HOXA3: variants seen among roughly 807,000 people sequenced by gnomAD.
HOXA3 encodes the protein homeobox A3.
In HOXA3, 8 loss-of-function variants were observed where a neutral mutation model predicts 30.3. That is an observed-to-expected ratio of 0.26 (90% CI 0.15 to 0.48). The LOEUF is 0.48. Among genes scored for constraint, HOXA3 ranks in the 20% least tolerant of loss-of-function variants. The pLI is 0.99. For synonymous variants in HOXA3, 323 were observed against 273.1 expected (o/e 1.18, Z -1.80); for missense variants, 653 against 614.4 (o/e 1.06, Z -0.66).
In HOXA3 at chr7:27,113,599, G is replaced by A. The variant is rs1042804277; in HGVS notation, c.-120-2839C>T. The A allele has an allele frequency of 6.6e-6, 1 of 152,276 alleles. No homozygotes were observed. Among genetic ancestry groups the A allele is most frequent in the Non-Finnish European group, 1.5e-5 (1 of 68,080 alleles). The allele number at this position is 152,276 out of a possible 1,614,324, so 9.4% of individuals were successfully genotyped here. On this transcript the variant is annotated intron_variant, in intron 4 of 5. Transcript: ENST00000612286. This position sits in a 1 kb window ranked among gnomAD's most constrained non-coding sequence, Gnocchi z 4.8. ...CGTAAACTCCGCCATTCAGCGCCGG[G>A]AGCGGCCGGTTGCGGCCCTGCTTAC...
intron 2 of HOXA3, among the ~76,000 whole-genome samples, chr7:27,133,413 T>C (rs1207462827): frequency 1.3e-5 from 2 of 152,220 alleles, no homozygotes; most frequent in Non-Finnish European, 2.9e-5. Context: ...GCATCTCGCC[T>C]GAGAAAAGAT....
intron 1 of HOXA3, chr7:27,141,733 C>G (rs1782574851): frequency 2.1e-6 from 3 of 1,435,588 alleles, no homozygotes; most frequent in Admixed American, 2.1e-5. Context: ...GAGAACAGGG[C>G]TTCTTCACAG....
intron 2 of HOXA3, chr7:27,130,853 C>T: frequency 3.9e-6 from 4 of 1,026,366 alleles, no homozygotes; most frequent in Non-Finnish European, 5.9e-6. Flanking sequence ...CCTTCCCCTC[C>T]CCCCGCTGTC....
chr7:27,139,615 A>G (rs960152758), intron 2 of HOXA3, among the ~76,000 whole-genome samples: 1 of 152,058 alleles, frequency 6.6e-6, no homozygotes, highest in Non-Finnish European at 1.5e-5. Flanking sequence ...CCTTTCTTTC[A>G]AACTCCTGAG....
At chr7:27,145,446 GGTTTTGTTTTGTTTTGTTTT>G (rs142508258) in intron 1 of HOXA3, 8,071 of 330,970 alleles carry the variant, frequency 0.024, 484 homozygotes, top group African/African-American at 0.14. Flanking sequence ...CTGTGTGTGA[GGTTTTGTTTTGTTTTGTTTT>G]GTTTTGTTTT....
chr7:27,146,240 T>C (rs1233121364), intron 1 of HOXA3, among the ~76,000 whole-genome samples: 2 of 101,600 alleles, frequency 2.0e-5, no homozygotes, highest in Non-Finnish European at 4.1e-5. Context: ...ATGCAGGGTG[T>C]GTGTGTGTGT....
chr7:27,110,076 C>T (rs1784274273), intron 5 of HOXA3, 39 bp downstream of exon 5: 1 of 1,613,404 alleles, frequency 6.2e-7, no homozygotes, highest in African/African-American at 1.3e-5. Flanking sequence ...GGACCAGGAG[C>T]CAGGCCAGAG....
chr7:27,147,340 T>A, intron 1 of HOXA3: 1 of 1,614,100 alleles, frequency 6.2e-7, no homozygotes, highest in Non-Finnish European at 8.5e-7. Flanking sequence ...CATCCAAGGG[T>A]AAACCGGGCT....
chr7:27,139,080 ATG>A (rs1023290056), intron 2 of HOXA3, among the ~76,000 whole-genome samples: 18 of 152,188 alleles, frequency 1.2e-4, no homozygotes, highest in African/African-American at 4.3e-4. Context: ...CTGTGCGTAG[ATG>A]TTTTTAATTC....
chr7:27,121,848 C>T (rs567472136), intron 4 of HOXA3: 45 of 152,750 alleles, frequency 2.9e-4, no homozygotes, highest in African/African-American at 1.1e-3. Flanking sequence ...CTCCCTGCAT[C>T]CCAAACTAAG....
At chr7:27,123,044 A>T (rs1431253315) in intron 3 of HOXA3, 1 of 152,178 alleles carries the variant, frequency 6.6e-6, no homozygotes, top group African/African-American at 2.4e-5. Flanking sequence ...GAGAATGTGA[A>T]TGCTTGCTTT....
chr7:27,145,978 C>G, intron 1 of HOXA3: 1 of 1,549,392 alleles, frequency 6.5e-7, no homozygotes, highest in Middle Eastern at 1.7e-4. Flanking sequence ...CCCAGTCAGC[C>G]CAGTGCCTCC....
rs1382875976 is a variant in HOXA3, at chr7:27,113,752, T to A, written c.-120-2992A>T. 6.6e-6 allele frequency: 1 copy of A among 152,062 alleles called. No homozygotes were observed. The highest frequency in any genetic ancestry group is 6.5e-5 in the Admixed American group (1 of 15,280). The allele number at this position is 152,062 out of a possible 1,614,324, so 9.4% of individuals were successfully genotyped here. ...CACGGACCCTCAGCATCAGCCGAGA[T>A]GGCAGGCGGGCTGGAGACCCCGAGG... On this transcript the variant is annotated intron_variant, in intron 4 of 5. Coordinates refer to ENST00000612286, the MANE Select transcript of HOXA3 (RefSeq NM_153631.3). This position sits in a 1 kb window ranked among gnomAD's most constrained non-coding sequence, Gnocchi z 4.8.
At chr7:27,133,797 G>A (rs1052758259) in intron 2 of HOXA3, among the ~76,000 whole-genome samples, 4 of 152,190 alleles carry the variant, frequency 2.6e-5, no homozygotes, top group Non-Finnish European at 4.4e-5. Context: ...ACCGAACAGT[G>A]ACACCGTGTG....
chr7:27,133,339 A>G (rs1344285915), intron 2 of HOXA3, among the ~76,000 whole-genome samples: 2 of 152,252 alleles, frequency 1.3e-5, no homozygotes, highest in African/African-American at 2.4e-5. Context: ...ACAATATCCA[A>G]GACACCAAAG....
rs1218726618 is a variant in HOXA3, at chr7:27,110,087, G to A, written c.526+28C>T. The A allele has an allele frequency of 3.7e-6, 6 of 1,613,902 alleles. No individual in the cohort carries two copies. In the South Asian group the frequency reaches 6.6e-5, roughly 18 times the overall value. ...TTGGGGACCAGGAGCCAGGCCAGAG[G>A]ACCCTCTTCCAGAAGGCACTCCTTT... On this transcript the variant is annotated intron_variant, in intron 5 of 5. Coordinates refer to ENST00000612286, the MANE Select transcript of HOXA3 (RefSeq NM_153631.3).
intron 2 of HOXA3, chr7:27,129,946 G>A: frequency 1.4e-6 from 1 of 707,012 alleles, no homozygotes. Context: ...TCTCATGTTG[G>A]GATCAGGCGG....
Position 27,152,354 on chromosome 7 carries a change from G to T in HOXA3, c.-560C>A, listed in dbSNP as rs1194872941. 2 of 1,232,728 alleles carry T rather than the reference G, an allele frequency of 1.6e-6. No homozygotes were observed. The highest frequency in any genetic ancestry group is 6.4e-5 in the East Asian group (1 of 15,562). 76.4% of individuals were successfully genotyped at this position (1,232,728 alleles called of 1,614,324 possible). A position where few individuals can be genotyped will look rare whatever the true frequency, so the allele number is the denominator to read the frequency against. On this transcript the variant is annotated 5_prime_UTR_variant, in exon 1 of 6. Coordinates refer to ENST00000612286, the MANE Select transcript of HOXA3 (RefSeq NM_153631.3). The stretch of plus-strand genomic sequence containing the variant: ...CTGTCGCTTGGGCAGCCCGAGAGAA[G>T]AATTGTCCTCTTTCCTGGTGCCAGA...
intron 1 of HOXA3, among the ~76,000 whole-genome samples, chr7:27,148,259 G>T (rs920156724): frequency 6.6e-6 from 1 of 152,270 alleles, no homozygotes; most frequent in Non-Finnish European, 1.5e-5. Context: ...TTTGCTCCCT[G>T]CCGGCCTGCA....
Sources: allele counts gnomAD v4.1 joint callset (sites outside exome capture counted in the v4.1 genomes callset), GRCh38; gene constraint gnomAD v4.1.1; non-coding constraint Gnocchi (gnomAD v3.1); transcripts MANE v1.5; gene names NCBI Gene and HGNC (gene_info 2026-07-23, HGNC 2026-07-21).